Variants in SPOCK3 observed in about 807,000 individuals in gnomAD.
SPOCK3 encodes testican-3.
A neutral mutation model predicts 56.6 loss-of-function variants in SPOCK3; 30 were observed. The observed-to-expected ratio is 0.53, with a 90% CI of 0.40 to 0.72. SPOCK3 has a LOEUF of 0.72. SPOCK3 is among the 30% of genes least tolerant of loss of function. The probability of loss-of-function intolerance (pLI) is 0.00; values close to 1 mark genes in which losing one functional copy is unlikely to be tolerated. For missense variants in SPOCK3, 527 were observed against 530.0 expected, an observed-to-expected ratio of 0.99 and a Z score of 0.06; for synonymous variants, 196 against 183.3, an observed-to-expected ratio of 1.07 and a Z score of -0.56.
chr4:167,123,740 C>CTTT (rs901846399), intron 2 of SPOCK3, among the ~76,000 whole-genome samples: 2 of 118,358 alleles, frequency 1.7e-5, no homozygotes, highest in Non-Finnish European at 1.8e-5. Context: ...CATTTCTTTT[C>CTTT]TTTTTTTTTT....
At chr4:166,903,773 C>G (rs1579596521) in intron 5 of SPOCK3, among the ~76,000 whole-genome samples, 1 of 151,970 alleles carries the variant, frequency 6.6e-6, no homozygotes, top group Non-Finnish European at 1.5e-5. Context: ...ATTCACATAA[C>G]AAGACTAATT....
intron 2 of SPOCK3, among the ~76,000 whole-genome samples, chr4:167,169,218 G>A (rs1730276981): frequency 6.6e-6 from 1 of 152,178 alleles, no homozygotes; most frequent in African/African-American, 2.4e-5. Flanking sequence ...TGAGAAGATG[G>A]CCACTATCCT....
At chr4:167,060,108 A>C (rs1219718329) in intron 3 of SPOCK3, among the ~76,000 whole-genome samples, 1 of 152,018 alleles carries the variant, frequency 6.6e-6, no homozygotes, top group East Asian at 1.9e-4. Context: ...ATATGTAACT[A>C]ACCTGCACAT....
intron 1 of SPOCK3, 65 bp from the exon 2 acceptor site, chr4:167,234,238 A>T: frequency 1.3e-6 from 2 of 1,534,760 alleles, no homozygotes; most frequent in Non-Finnish European, 1.8e-6. Context: ...GTACGAAGCC[A>T]GGAGCGACCC....
intron 2 of SPOCK3, among the ~76,000 whole-genome samples, chr4:167,142,302 G>C (rs989376477): frequency 6.6e-6 from 1 of 151,846 alleles, no homozygotes; most frequent in Non-Finnish European, 1.5e-5. Flanking sequence ...GAGAACCCAG[G>C]CTGGCAACCA....
intron 2 of SPOCK3, among the ~76,000 whole-genome samples, chr4:167,166,011 G>T (rs868810379): frequency 6.6e-6 from 1 of 151,930 alleles, no homozygotes; most frequent in South Asian, 2.1e-4. Context: ...TAATGAAAAG[G>T]CAATAAACTC....
chr4:166,734,848 AGAT>A lies in SPOCK3; in HGVS notation c.*70_*72del. ...AGAATCATTTTGTTATTGGGGAAGA[AGAT>A]AATTTTAAATAGGCTATCATTTTTG... On this transcript the variant is annotated 3_prime_UTR_variant, in exon 11 of 11. Coordinates refer to ENST00000357545, the MANE Select transcript of SPOCK3 (RefSeq NM_001040159.2). 1 of 1,190,476 alleles carries A rather than the reference AGAT, an allele frequency of 8.4e-7. No individual in the cohort carries two copies. Among genetic ancestry groups the A allele is most frequent in the Non-Finnish European group, 1.2e-6 (1 of 867,074 alleles). The allele number at this position is 1,190,476 out of a possible 1,614,324, so 73.7% of individuals were successfully genotyped here. A position where few individuals can be genotyped will look rare whatever the true frequency, so the allele number is the denominator to read the frequency against.
At chr4:166,998,395 G>T (rs1748609738) in intron 4 of SPOCK3, among the ~76,000 whole-genome samples, 1 of 152,104 alleles carries the variant, frequency 6.6e-6, no homozygotes, top group Non-Finnish European at 1.5e-5. Flanking sequence ...ATCAGTTTCT[G>T]ATAGTCTTTA....
intron 8 of SPOCK3, 57 bp downstream of exon 8, chr4:166,754,451 A>C (rs749831402): frequency 1.3e-6 from 2 of 1,560,942 alleles, no homozygotes; most frequent in East Asian, 4.5e-5. Context: ...CTTAAAAAAT[A>C]AGTAAAATTT....
chr4:166,976,826 A>T (rs1008767652), intron 4 of SPOCK3, among the ~76,000 whole-genome samples: 1 of 151,974 alleles, frequency 6.6e-6, no homozygotes, highest in Non-Finnish European at 1.5e-5. Flanking sequence ...AAATATTTTC[A>T]CCACTTGTTT....
At chr4:167,058,356 A>G (rs145403888) in intron 3 of SPOCK3, among the ~76,000 whole-genome samples, 39 of 152,314 alleles carry the variant, frequency 2.6e-4, no homozygotes, top group Admixed American at 7.2e-4. Context: ...TACACCAATA[A>G]CAGGCAAACA....
intron 3 of SPOCK3, among the ~76,000 whole-genome samples, chr4:167,049,663 T>C (rs943755474): frequency 3.9e-5 from 6 of 152,174 alleles, no homozygotes; most frequent in Non-Finnish European, 7.4e-5. Flanking sequence ...AGATGAATGC[T>C]AAATCTATCT....
At chr4:167,199,994 A>T (rs1733363937) in intron 2 of SPOCK3, among the ~76,000 whole-genome samples, 1 of 152,096 alleles carries the variant, frequency 6.6e-6, no homozygotes. Flanking sequence ...AACAGAAGAC[A>T]TAATAGTTGC....
At chr4:167,141,481 G>T (rs1335601211) in intron 2 of SPOCK3, among the ~76,000 whole-genome samples, 5 of 151,944 alleles carry the variant, frequency 3.3e-5, no homozygotes, top group African/African-American at 4.8e-5. Flanking sequence ...TCCAAAATCT[G>T]GTGTCCAATT....
chr4:166,736,131 A>C (rs893638645), intron 10 of SPOCK3, among the ~76,000 whole-genome samples: 12 of 152,130 alleles, frequency 7.9e-5, no homozygotes. Context: ...TGATCTCACA[A>C]GACAACACAC....
At chr4:166,873,418 T>A (rs992513682) in intron 6 of SPOCK3, among the ~76,000 whole-genome samples, 2 of 152,082 alleles carry the variant, frequency 1.3e-5, no homozygotes, top group East Asian at 1.9e-4. Flanking sequence ...TAATGATATA[T>A]CAATAGCTTC....
intron 2 of SPOCK3, among the ~76,000 whole-genome samples, chr4:167,094,642 A>G (rs1239248463): frequency 2.0e-5 from 3 of 152,160 alleles, no homozygotes; most frequent in Non-Finnish European, 4.4e-5. Flanking sequence ...TTGATAAATA[A>G]TATCCACAGG....
At chr4:167,022,153 G>A (rs889442729) in intron 3 of SPOCK3, among the ~76,000 whole-genome samples, 10 of 151,878 alleles carry the variant, frequency 6.6e-5, no homozygotes, top group African/African-American at 2.4e-4. Context: ...GTGTGTCTAG[G>A]TTGGGCGTGG....
At chr4:167,207,248 CTT>C (rs1401130157) in intron 2 of SPOCK3, among the ~76,000 whole-genome samples, 1 of 151,790 alleles carries the variant, frequency 6.6e-6, no homozygotes, top group Non-Finnish European at 1.5e-5. Flanking sequence ...TATTTAAACT[CTT>C]TGACAATAAA....
Sources: allele counts gnomAD v4.1 joint callset (sites outside exome capture counted in the v4.1 genomes callset), GRCh38; gene constraint gnomAD v4.1.1; transcripts MANE v1.5; gene names NCBI Gene and HGNC (gene_info 2026-07-23, HGNC 2026-07-21).